The following ADGRA3 variants were observed in gnomAD, a reference collection of about 807,000 sequenced individuals.
The protein encoded by ADGRA3 is adhesion G protein-coupled receptor A3.
A neutral mutation model predicts 119.8 loss-of-function variants in ADGRA3; 56 were observed. That is an observed-to-expected ratio of 0.47 (90% CI 0.38 to 0.58). The LOEUF (loss-of-function observed/expected upper bound fraction) is 0.58. Ranked by LOEUF, ADGRA3 falls within the 20% of genes least tolerant of loss-of-function variation. The pLI is 0.00. For missense variants in ADGRA3, 1,516 were observed against 1,649.0 expected (o/e 0.92, Z 1.40); for synonymous variants, 607 against 623.8 (o/e 0.97, Z 0.40).
chr4:22,465,144 A>C (rs1304249094), intron 2 of ADGRA3, among the ~76,000 whole-genome samples: 4 of 152,308 alleles, frequency 2.6e-5, no homozygotes, highest in African/African-American at 9.6e-5. Context: ...AGGATTCCAA[A>C]ATTTAATAAC....
At chr4:22,460,200 T>A (rs1387546493) in intron 3 of ADGRA3, among the ~76,000 whole-genome samples, 1 of 152,174 alleles carries the variant, frequency 6.6e-6, no homozygotes, top group African/African-American at 2.4e-5. Context: ...CTGTTTATGA[T>A]CTAACCTGTT....
intron 1 of ADGRA3, among the ~76,000 whole-genome samples, chr4:22,496,283 G>A (rs1718823240): frequency 6.6e-6 from 1 of 152,060 alleles, no homozygotes; most frequent in Non-Finnish European, 1.5e-5. Flanking sequence ...CTTAAGTATG[G>A]GTGACCTCAG....
At chr4:22,395,917 T>C (rs946868498) in intron 16 of ADGRA3, among the ~76,000 whole-genome samples, 2 of 152,172 alleles carry the variant, frequency 1.3e-5, no homozygotes, top group Non-Finnish European at 1.5e-5. Flanking sequence ...TCTTGTGCCA[T>C]TGCAGCAATC....
At chr4:22,455,490 T>C (rs1188304745) in intron 3 of ADGRA3, among the ~76,000 whole-genome samples, 2 of 152,208 alleles carry the variant, frequency 1.3e-5, no homozygotes, top group Non-Finnish European at 2.9e-5. Context: ...AGTTTACAGA[T>C]CTATCATTCA....
chr4:22,423,571 T>C (rs964350220), intron 11 of ADGRA3, among the ~76,000 whole-genome samples: 1 of 152,200 alleles, frequency 6.6e-6, no homozygotes, highest in African/African-American at 2.4e-5. Flanking sequence ...TTTACAACTG[T>C]TCAATTTATC....
intron 10 of ADGRA3, among the ~76,000 whole-genome samples, chr4:22,434,611 A>G (rs1716319478): frequency 6.6e-6 from 1 of 152,246 alleles, no homozygotes; most frequent in South Asian, 2.1e-4. Context: ...TTGTACATAT[A>G]AAGTTCTCAC....
rs774910758 is a variant in ADGRA3, at chr4:22,388,294, T to C, written c.3377A>G (p.His1126Arg). Residue 1126 changes from histidine to arginine, a missense_variant, in exon 19 of 19, where the codon CAT becomes CGT. Around this residue, in one of 2 missense-constraint regions of ADGRA3, gnomAD observed 1,088 missense variants for 1,107.1 expected, o/e 0.98. Transcript: ENST00000334304. Reference protein sequence around the residue: ...TNLQAAAAQCHANSLPLNSTP... With the variant: ...TNLQAAAAQCRANSLPLNSTP... Reference sequence around the variant, plus strand: ...GGAGTTCAAAGGTAAAGAATTGGCATGGCACTGAGCTGCAGCCGCCTGCAA... The same window carrying C: ...GGAGTTCAAAGGTAAAGAATTGGCACGGCACTGAGCTGCAGCCGCCTGCAA... 1.7e-5 allele frequency: 28 copies of C among 1,614,012 alleles called. No individual in the cohort carries two copies. Among genetic ancestry groups the C allele is most frequent in the Admixed American group, 5.0e-5 (3 of 59,998 alleles).
rs780335250 is a variant in ADGRA3, at chr4:22,434,518, G to A, written c.1443+793C>T. Among the ~76,000 whole-genome samples the A allele has an allele frequency of 6.4e-4, 98 of 152,214 alleles. 1 individual carries two copies. Among genetic ancestry groups the A allele is most frequent in the South Asian group, 6.2e-4 (3 of 4,818 alleles). Reference sequence around the variant, plus strand: ...TTTCCAGGCGTGCCCTAACCTAAGCGTGGGCTTCAGTTTACAACTTGCTTG... The same window carrying A: ...TTTCCAGGCGTGCCCTAACCTAAGCATGGGCTTCAGTTTACAACTTGCTTG... On this transcript the variant is annotated intron_variant, in intron 10 of 18. Coordinates refer to ENST00000334304, the MANE Select transcript of ADGRA3 (RefSeq NM_145290.4).
At chr4:22,403,064 G>C (rs139100495) in intron 14 of ADGRA3, among the ~76,000 whole-genome samples, 66 of 152,198 alleles carry the variant, frequency 4.3e-4, no homozygotes, top group African/African-American at 1.6e-3. Context: ...TGCTATGAGG[G>C]TAAAAGAGAA....
intron 1 of ADGRA3, 181 bp downstream of exon 1, chr4:22,515,347 T>G: frequency 1.6e-6 from 1 of 613,014 alleles, no homozygotes; most frequent in Non-Finnish European, 2.4e-6. Context: ...CGGACGCAGA[T>G]TCCCTTGCCT....
chr4:22,484,116 A>C (rs139550206), intron 1 of ADGRA3, among the ~76,000 whole-genome samples: 2 of 152,344 alleles, frequency 1.3e-5, no homozygotes, highest in Non-Finnish European at 2.9e-5. Flanking sequence ...AAAACTGTGC[A>C]ATTACAATGC....
chr4:22,395,146 G>A (rs959827462), intron 16 of ADGRA3, among the ~76,000 whole-genome samples: 1 of 152,084 alleles, frequency 6.6e-6, no homozygotes, highest in African/African-American at 2.4e-5. Flanking sequence ...AATGTTAAAT[G>A]CAGTAGATTA....
intron 12 of ADGRA3, among the ~76,000 whole-genome samples, chr4:22,418,360 G>A (rs1408814229): frequency 6.6e-6 from 1 of 152,144 alleles, no homozygotes; most frequent in East Asian, 1.9e-4. Flanking sequence ...GGAAAAACGG[G>A]AAGAAAAATA....
At chr4:22,470,326 A>AC (rs1181808819) in intron 2 of ADGRA3, among the ~76,000 whole-genome samples, 1 of 151,782 alleles carries the variant, frequency 6.6e-6, no homozygotes, top group African/African-American at 2.4e-5. Flanking sequence ...AAATTAAAAA[A>AC]AAAAAAAAAA....
chr4:22,434,741 G>T (rs1011727546), intron 10 of ADGRA3, among the ~76,000 whole-genome samples: 1 of 152,132 alleles, frequency 6.6e-6, no homozygotes, highest in African/African-American at 2.4e-5. Flanking sequence ...TCCCCTAAAA[G>T]ATATCATGTG....
At chr4:22,475,488 G>A (rs1451800543) in intron 1 of ADGRA3, among the ~76,000 whole-genome samples, 1 of 152,178 alleles carries the variant, frequency 6.6e-6, no homozygotes, top group Non-Finnish European at 1.5e-5. Context: ...AGCACTTTGG[G>A]AGGCCGAGGC....
chr4:22,465,694 T>G (rs890318576), intron 2 of ADGRA3, among the ~76,000 whole-genome samples: 1 of 152,168 alleles, frequency 6.6e-6, no homozygotes, highest in Admixed American at 6.5e-5. Flanking sequence ...ACATAAAGAT[T>G]AAGAAATTCG....
At chr4:22,497,572 C>T (rs941869174) in intron 1 of ADGRA3, among the ~76,000 whole-genome samples, 1 of 152,050 alleles carries the variant, frequency 6.6e-6, no homozygotes, top group East Asian at 1.9e-4. Context: ...CGCCAGTAAT[C>T]CCATTTTCGG....
chr4:22,444,056 C>T lies in ADGRA3; in HGVS notation c.706+917G>A, dbSNP rs528541390. The stretch of plus-strand genomic sequence containing the variant: ...TTTGTTTTTGTTTTTGTTTCTTTTT[C>T]ATTTAACACGTGGCAAATATGTTAT... On this transcript the variant is annotated intron_variant, in intron 6 of 18. Transcript: ENST00000334304. Among the ~76,000 whole-genome samples, 25 of 152,036 alleles carry T rather than the reference C, an allele frequency of 1.6e-4. No individual in the cohort carries two copies. The South Asian group carries it at 5.2e-3, about 32-fold the overall frequency.
Sources: gnomAD v4.1 joint callset for allele counts (sites outside exome capture counted in the v4.1 genomes callset) on GRCh38, gnomAD v4.1.1 for gene constraint, gnomAD v4.1.1 regional missense constraint, MANE v1.5 for transcripts, NCBI Gene and HGNC (gene_info 2026-07-23, HGNC 2026-07-21) for gene names.